Variants in TREML2 observed in about 807,000 individuals in gnomAD.
The protein encoded by TREML2 is trem-like transcript 2 protein.
Under a neutral mutation model 25.9 loss-of-function variants are expected in TREML2, and 24 were observed. That is an observed-to-expected ratio of 0.93 (90% CI 0.67 to 1.30). The LOEUF is 1.30. TREML2 is among the 50% of genes most tolerant of loss of function. The pLI is 0.00. For missense variants in TREML2, 359 were observed against 395.6 expected (o/e 0.91, Z 0.78); for synonymous variants, 139 against 155.2 (o/e 0.90, Z 0.77).
intron 2 of TREML2, among the ~76,000 whole-genome samples, chr6:41,197,013 AC>A (rs1766179580): frequency 6.6e-6 from 1 of 152,132 alleles, no homozygotes; most frequent in Non-Finnish European, 1.5e-5. Context: ...CAAATAGAAA[AC>A]CTTGGATCAT....
chr6:41,192,585 C>T (rs757198653), intron 4 of TREML2, 79 bp from the exon 5 acceptor site: 3 of 1,420,876 alleles, frequency 2.1e-6, no homozygotes, highest in East Asian at 2.3e-5. Flanking sequence ...GCCCCAGCCC[C>T]TTTCTGGCTC....
chr6:41,198,742 T>C (rs1766223422), intron 1 of TREML2, among the ~76,000 whole-genome samples: 1 of 152,326 alleles, frequency 6.6e-6, no homozygotes, highest in East Asian at 1.9e-4. Context: ...AAACGCAGCA[T>C]TTACACTCGG....
At chr6:41,200,086 C>A (rs1018760185) in intron 1 of TREML2, among the ~76,000 whole-genome samples, 4 of 152,222 alleles carry the variant, frequency 2.6e-5, no homozygotes, top group African/African-American at 7.2e-5. Context: ...CCACCAGAAT[C>A]CAGGATATCC....
At chr6:41,195,703 A>G (rs1766147825) in intron 2 of TREML2, among the ~76,000 whole-genome samples, 1 of 152,236 alleles carries the variant, frequency 6.6e-6, no homozygotes. Flanking sequence ...GACACCCCCA[A>G]AGAACTCTTC....
rs116803641 is a variant in TREML2 at position 41,198,273 on chromosome 6, C to A, written c.212G>T (p.Trp71Leu). The change falls in exon 2 of 5, where the codon TGG becomes TTG. Residue 71 changes from tryptophan to leucine, a missense_variant. Coordinates refer to ENST00000483722, the MANE Select transcript of TREML2 (RefSeq NM_024807.4). ...KKCEPGFARVWVKGPRYLLQD... is the reference protein window; with the variant it reads ...KKCEPGFARVLVKGPRYLLQD... The stretch of plus-strand genomic sequence containing the variant: ...CAGCAAGTAGCGGGGCCCTTTCACC[C>A]AGACTCGGGCAAAGCCAGGCTCACA... 155 of 1,614,234 alleles carry A rather than the reference C, an allele frequency of 9.6e-5. No individual in the cohort carries two copies. The African/African-American group carries it at 1.5e-3, about 16-fold the overall frequency.
chr6:41,193,511 C>G (rs1272158577), intron 3 of TREML2, among the ~76,000 whole-genome samples: 1 of 147,318 alleles, frequency 6.8e-6, no homozygotes, highest in Non-Finnish European at 1.5e-5. Flanking sequence ...GGATTAGGCT[C>G]TTGTTGTGCA....
rs777126454 is a variant in TREML2, at chr6:41,198,166, G to A, written c.319C>T (p.Arg107Cys). Residue 107 changes from arginine to cysteine, a missense_variant, in exon 2 of 5, where the codon CGC (arginine) becomes TGC (cysteine). Arg to Cys is a radical substitution (Grantham distance 180). Coordinates refer to ENST00000483722, the MANE Select transcript of TREML2 (RefSeq NM_024807.4). ...GGGTACAGGATCCCAGAGGTGTTGC[G>A]CATGCACCAGTATCGGCCTGAGTCC... ...LQDSGRYWCM[R>C]NTSGILYPLM... 30 of 1,613,678 alleles carry A rather than the reference G, an allele frequency of 1.9e-5. No homozygotes were observed. Among genetic ancestry groups the A allele is most frequent in the South Asian group, 6.6e-5 (6 of 91,068 alleles).
rs936268613 is a variant in TREML2, at chr6:41,192,010, A to T, written c.*417T>A. ...TAACCTTAGGGGAAGCTGAAGCAGA[A>T]CGGAGGGAAGCAGAGGACACAGTGG... On this transcript the variant is annotated 3_prime_UTR_variant, in exon 5 of 5. Transcript: ENST00000483722. 10 of 182,602 alleles carry T rather than the reference A, an allele frequency of 5.5e-5. No homozygotes were observed. The highest frequency in any genetic ancestry group is 9.3e-5 in the Non-Finnish European group (8 of 85,934). The allele number at this position is 182,602 out of a possible 1,614,324, so 11.3% of individuals were successfully genotyped here.
rs771803614 is a variant in TREML2 at position 41,192,410 on chromosome 6, C to T, written c.*17G>A. ...GGCCACTCTGGGAGAAGCTCCCCACCCCATGCTTAAGTGGCCTCAGATCAA... is the reference window on the plus strand; with the variant it reads ...GGCCACTCTGGGAGAAGCTCCCCACTCCATGCTTAAGTGGCCTCAGATCAA... On this transcript the variant is annotated 3_prime_UTR_variant, in exon 5 of 5. Coordinates refer to ENST00000483722, the MANE Select transcript of TREML2 (RefSeq NM_024807.4). The T allele has an allele frequency of 1.9e-6, 3 of 1,610,954 alleles. No homozygotes were observed. Among genetic ancestry groups the T allele is most frequent in the Admixed American group, 3.3e-5 (2 of 59,878 alleles).
rs1456025069 is a variant in TREML2, at chr6:41,190,525, C to T, written c.*1902G>A. 3.3e-5 allele frequency: 5 copies of T among 152,212 alleles called. No individual in the cohort carries two copies. Among genetic ancestry groups the T allele is most frequent in the Non-Finnish European group, 4.4e-5 (3 of 68,034 alleles). 9.4% of individuals were successfully genotyped at this position (152,212 alleles called of 1,614,324 possible). ...TGCTAATGTTATTTTATCTTGAAAA[C>T]AATCTTGAGAAGTAGGAATTATTGT... On this transcript the variant is annotated 3_prime_UTR_variant, in exon 5 of 5. Coordinates refer to ENST00000483722, the MANE Select transcript of TREML2 (RefSeq NM_024807.4).
At chr6:41,196,786 C>G (rs944016646) in intron 2 of TREML2, among the ~76,000 whole-genome samples, 4 of 152,212 alleles carry the variant, frequency 2.6e-5, no homozygotes, top group African/African-American at 9.6e-5. Flanking sequence ...TAAACACTAT[C>G]TTTATAGAGA....
intron 2 of TREML2, among the ~76,000 whole-genome samples, chr6:41,197,393 G>A (rs1561890174): frequency 6.6e-6 from 1 of 152,160 alleles, no homozygotes; most frequent in Non-Finnish European, 1.5e-5. Flanking sequence ...CATATAGAGT[G>A]ACTAAATAAG....
In TREML2 at chr6:41,194,680, C is replaced by T; in HGVS notation, c.530G>A (p.Arg177Lys). 2 of 1,614,040 alleles carry T rather than the reference C, an allele frequency of 1.2e-6. No homozygotes were observed. The highest frequency in any genetic ancestry group is 2.2e-5 in the South Asian group (2 of 91,062). Reference sequence around the variant, plus strand: ...GGCAGGTCTGGTGGAGGCTAAGAGCCTAGGCAAGGTGATGAGTCCTGGGGT... The same window carrying T: ...GGCAGGTCTGGTGGAGGCTAAGAGCTTAGGCAAGGTGATGAGTCCTGGGGT... The part of the protein sequence containing the change: ...VFTPGLITLP[R>K]LLASTRPASK... Residue 177 changes from arginine to lysine, a missense_variant, in exon 3 of 5, where the codon AGG becomes AAG. Transcript: ENST00000483722.
intron 1 of TREML2, among the ~76,000 whole-genome samples, chr6:41,199,528 G>A (rs1766238244): frequency 6.6e-6 from 1 of 152,200 alleles, no homozygotes; most frequent in Non-Finnish European, 1.5e-5. Flanking sequence ...TCTATGCTGA[G>A]GAGTAAGATG....
At position 41,192,247 on chromosome 6, in the gene TREML2, G is replaced by T; in HGVS notation, c.*180C>A. ...CTCCCCAGGTTCCTGCCCCCAAGGA[G>T]AACACTGGGCTGTGGGGCTGCTTAG... is the stretch of plus-strand genomic sequence containing the variant. On this transcript the variant is annotated 3_prime_UTR_variant, in exon 5 of 5. Transcript: ENST00000483722. 1 of 602,426 alleles carries T rather than the reference G, an allele frequency of 1.7e-6. No individual in the cohort carries two copies. The highest frequency in any genetic ancestry group is 3.0e-6 in the Non-Finnish European group (1 of 334,964). 37.3% of individuals were successfully genotyped at this position (602,426 alleles called of 1,614,324 possible). A position where few individuals can be genotyped will look rare whatever the true frequency, so the allele number is the denominator to read the frequency against.
chr6:41,195,096 T>C (rs1766138153), intron 2 of TREML2, among the ~76,000 whole-genome samples: 1 of 152,222 alleles, frequency 6.6e-6, no homozygotes, highest in East Asian at 1.9e-4. Flanking sequence ...TCAGGCCACC[T>C]GTTCCCTCTC....
chr6:41,197,790 G>T (rs747705223), intron 2 of TREML2, among the ~76,000 whole-genome samples: 1 of 152,184 alleles, frequency 6.6e-6, no homozygotes, highest in Admixed American at 6.5e-5. Context: ...CCCCATAATA[G>T]GGGCTCAATG....
rs757010685 is a variant in TREML2, at chr6:41,198,424, A to G, written c.61T>C (p.Ser21Pro). 6.3e-5 allele frequency: 102 copies of G among 1,609,376 alleles called. No individual in the cohort carries two copies. Among genetic ancestry groups the G allele is most frequent in the Middle Eastern group, 1.6e-4 (1 of 6,062 alleles). Residue 21 changes from serine (S) to proline (P), a missense_variant, in exon 2 of 5, where the codon TCT becomes CCT. Ser to Pro is a moderately conservative substitution (Grantham distance 74, BLOSUM62 -1). Coordinates refer to ENST00000483722, the MANE Select transcript of TREML2 (RefSeq NM_024807.4). ...ACTTTTGTGTATACACTGTCAGCAGAGGGGCCTGTGGAGACAATACTTATT... is the reference window on the plus strand; with the variant it reads ...ACTTTTGTGTATACACTGTCAGCAGGGGGGCCTGTGGAGACAATACTTATT... ...LWPQGCVSGP[S>P]ADSVYTKVRL...
chr6:41,196,702 T>C (rs1001950313), intron 2 of TREML2, among the ~76,000 whole-genome samples: 12 of 150,730 alleles, frequency 8.0e-5, no homozygotes, highest in Non-Finnish European at 1.5e-4. Flanking sequence ...CTGTATCCCC[T>C]TTTCCTTCCC....
Sources: gnomAD v4.1 joint callset for allele counts (sites outside exome capture counted in the v4.1 genomes callset) on GRCh38, gnomAD v4.1.1 for gene constraint, MANE v1.5 for transcripts, NCBI Gene and HGNC (gene_info 2026-07-23, HGNC 2026-07-21) for gene names.